Variants in RNF152 observed in about 807,000 individuals in gnomAD.
RNF152 encodes E3 ubiquitin-protein ligase RNF152.
RNF152 carries 11 observed loss-of-function variants against 12.7 expected under a neutral mutation model. The ratio of observed to expected loss-of-function variants is 0.86; its 90% CI spans 0.54 to 1.43. The LOEUF (loss-of-function observed/expected upper bound fraction) is 1.43, where lower values mean the gene tolerates loss of function less well. Ranked by LOEUF, RNF152 falls within the 40% of genes most tolerant of loss-of-function variation. The probability of loss-of-function intolerance (pLI) is 0.00; values close to 1 mark genes in which losing one functional copy is unlikely to be tolerated. For synonymous variants in RNF152, 113 were observed against 120.3 expected (o/e 0.94, Z 0.40); for missense variants, 255 against 274.8 (o/e 0.93, Z 0.51).
intron 1 of RNF152, among the ~76,000 whole-genome samples, chr18:61,822,707 T>C (rs1909477085): frequency 6.6e-6 from 1 of 152,160 alleles, no homozygotes; most frequent in Non-Finnish European, 1.5e-5. Flanking sequence ...CTCTGTGGAG[T>C]TGTGGCCTGA....
intron 1 of RNF152, among the ~76,000 whole-genome samples, chr18:61,874,083 T>C (rs1287494658): frequency 6.6e-6 from 1 of 152,222 alleles, no homozygotes; most frequent in Non-Finnish European, 1.5e-5. Flanking sequence ...ATTTTAGAAA[T>C]ATAAAAACTA....
chr18:61,840,052 G>A (rs1412711256), intron 1 of RNF152, among the ~76,000 whole-genome samples: 1 of 152,218 alleles, frequency 6.6e-6, no homozygotes, highest in Non-Finnish European at 1.5e-5. Flanking sequence ...CACTGCCATT[G>A]GGTATCACTG....
chr18:61,892,830 C>A lies in RNF152; in HGVS notation c.-171G>T, dbSNP rs1160230370. 1.3e-5 allele frequency: 2 copies of A among 152,102 alleles called. No individual in the cohort carries two copies. Among genetic ancestry groups the A allele is most frequent in the African/African-American group, 4.8e-5 (2 of 41,376 alleles). The allele number at this position is 152,102 out of a possible 1,614,324, so 9.4% of individuals were successfully genotyped here. On this transcript the variant is annotated 5_prime_UTR_variant, in exon 1 of 2. Coordinates refer to ENST00000312828, the MANE Select transcript of RNF152 (RefSeq NM_173557.3). ...CACCGAGTCTCTTTCACCCCTTCTG[C>A]GTGATGACATCAAGTGGAAATGGTA...
intron 1 of RNF152, among the ~76,000 whole-genome samples, chr18:61,854,539 T>C (rs1251137829): frequency 6.6e-6 from 1 of 152,236 alleles, no homozygotes; most frequent in Non-Finnish European, 1.5e-5. Flanking sequence ...CCTCTTCCTC[T>C]TTCTCAACTG....
chr18:61,853,958 C>A (rs180779039), intron 1 of RNF152, among the ~76,000 whole-genome samples: 19 of 152,236 alleles, frequency 1.2e-4, no homozygotes, highest in African/African-American at 4.3e-4. Context: ...CCCACCTGCC[C>A]ATTTTTCAAC....
intron 1 of RNF152, among the ~76,000 whole-genome samples, chr18:61,849,957 C>G (rs558321185): frequency 6.6e-6 from 1 of 152,224 alleles, no homozygotes; most frequent in Non-Finnish European, 1.5e-5. Flanking sequence ...TCAGTGCTTA[C>G]TGCCTATCTC....
At chr18:61,840,438 C>T (rs754965451) in intron 1 of RNF152, among the ~76,000 whole-genome samples, 2 of 152,130 alleles carry the variant, frequency 1.3e-5, no homozygotes, top group Non-Finnish European at 2.9e-5. Flanking sequence ...TGGCACAGGG[C>T]AGAGGATGGG....
chr18:61,869,368 A>G (rs775308635), intron 1 of RNF152, among the ~76,000 whole-genome samples: 1 of 152,194 alleles, frequency 6.6e-6, no homozygotes, highest in Non-Finnish European at 1.5e-5. Context: ...ACATAAAAAC[A>G]ACCCCTACTT....
intron 1 of RNF152, among the ~76,000 whole-genome samples, chr18:61,880,152 T>C (rs1912397278): frequency 6.6e-6 from 1 of 151,960 alleles, no homozygotes; most frequent in African/African-American, 2.4e-5. Flanking sequence ...AGGACAAAAC[T>C]CAGGTAATAG....
chr18:61,883,131 C>T (rs1224538043), intron 1 of RNF152, among the ~76,000 whole-genome samples: 1 of 152,148 alleles, frequency 6.6e-6, no homozygotes, highest in African/African-American at 2.4e-5. Context: ...GTTCAAAGCC[C>T]ACAGTGTTCA....
intron 1 of RNF152, among the ~76,000 whole-genome samples, chr18:61,832,539 G>C (rs77283504): frequency 0.025 from 3,836 of 152,200 alleles, 80 homozygotes; most frequent in Admixed American, 0.039. Flanking sequence ...ATAACTGCTT[G>C]AGTTTCAGTT....
chr18:61,816,848 C>T lies in RNF152; in HGVS notation c.-135-250G>A, dbSNP rs117193631. Among the ~76,000 whole-genome samples the T allele has an allele frequency of 6.1e-3, 931 of 152,238 alleles. 34 individuals are homozygous for T. Among genetic ancestry groups the T allele is most frequent in the East Asian group, 6.9e-3 (36 of 5,180 alleles). On this transcript the variant is annotated intron_variant, in intron 1 of 1. Coordinates refer to ENST00000312828, the MANE Select transcript of RNF152 (RefSeq NM_173557.3). ...AATGAACAACTCCAATAGTTGTAGACGATGCATCTGTATTTCATAAAGAGG... is the reference window on the plus strand; with the variant it reads ...AATGAACAACTCCAATAGTTGTAGATGATGCATCTGTATTTCATAAAGAGG...
rs548235142 is a variant in RNF152, at chr18:61,862,586, C to G, written c.-136+30209G>C. 1.3e-4 allele frequency among the ~76,000 whole-genome samples: 20 copies of G among 152,338 alleles called. No homozygotes were observed. The South Asian group carries it at 4.1e-3, about 32-fold the overall frequency. ...GGACAGGGTTCAAGGAGCTTCCAGACAGCTGAACATGCTGAGGTTCCTGGA... is the reference window on the plus strand; with the variant it reads ...GGACAGGGTTCAAGGAGCTTCCAGAGAGCTGAACATGCTGAGGTTCCTGGA... On this transcript the variant is annotated intron_variant, in intron 1 of 1. Coordinates refer to ENST00000312828, the MANE Select transcript of RNF152 (RefSeq NM_173557.3).
chr18:61,838,548 T>C (rs2144665272), intron 1 of RNF152, among the ~76,000 whole-genome samples: 1 of 152,144 alleles, frequency 6.6e-6, no homozygotes, highest in East Asian at 1.9e-4. Flanking sequence ...AACCCCCTTT[T>C]CTAGAATGAA....
At chr18:61,858,442 G>A (rs58312360) in intron 1 of RNF152, among the ~76,000 whole-genome samples, 20 of 151,580 alleles carry the variant, frequency 1.3e-4, no homozygotes, top group African/African-American at 4.4e-4. Flanking sequence ...CCCTGCAACC[G>A]TATACCCTAG....
intron 1 of RNF152, among the ~76,000 whole-genome samples, chr18:61,890,125 T>C (rs1912888357): frequency 6.6e-6 from 1 of 152,296 alleles, no homozygotes; most frequent in Admixed American, 6.5e-5. Context: ...GAATAGTAAA[T>C]ATACAGGTTG....
intron 1 of RNF152, among the ~76,000 whole-genome samples, chr18:61,833,789 CT>C (rs1910058352): frequency 2.0e-5 from 3 of 152,270 alleles, no homozygotes; most frequent in East Asian, 3.9e-4. Flanking sequence ...AGAGATTTTT[CT>C]TTCTGTCCAT....
At chr18:61,882,441 G>A (rs535020176) in intron 1 of RNF152, among the ~76,000 whole-genome samples, 1 of 152,362 alleles carries the variant, frequency 6.6e-6, no homozygotes, top group South Asian at 2.1e-4. Context: ...TGGTGTGCAT[G>A]ATGATTACAT....
intron 1 of RNF152, among the ~76,000 whole-genome samples, chr18:61,864,345 C>G (rs1911634750): frequency 6.6e-6 from 1 of 152,182 alleles, no homozygotes; most frequent in Non-Finnish European, 1.5e-5. Context: ...GTGAGAATGG[C>G]TGGCAGAACT....
Sources: allele counts gnomAD v4.1 joint callset (sites outside exome capture counted in the v4.1 genomes callset), GRCh38; gene constraint gnomAD v4.1.1; transcripts MANE v1.5; gene names NCBI Gene and HGNC (gene_info 2026-07-23, HGNC 2026-07-21).